The following FSTL4 variants were observed in gnomAD, a reference collection of about 807,000 sequenced individuals.
The protein encoded by FSTL4 is follistatin like 4.
In FSTL4, 28 loss-of-function variants were observed where a neutral mutation model predicts 78.2. The observed-to-expected ratio is 0.36, with a 90% CI of 0.27 to 0.49. The LOEUF (loss-of-function observed/expected upper bound fraction) is 0.49. FSTL4 is among the 20% of genes least tolerant of loss of function. FSTL4 has a pLI of 0.98. For missense variants in FSTL4, 922 were observed against 1,084.9 expected (o/e 0.85, Z 2.11); for synonymous variants, 422 against 440.5 (o/e 0.96, Z 0.53).
chr5:133,198,922 T>C lies in FSTL4; in HGVS notation c.*173A>G, dbSNP rs62374514. ...ATACTTCCTAACGAAAAAACCCCAA[T>C]CTTGGTAGCAGCGCATACCTTATAC... On this transcript the variant is annotated 3_prime_UTR_variant, in exon 16 of 16. Coordinates refer to ENST00000265342, the MANE Select transcript of FSTL4 (RefSeq NM_015082.2). The C allele has an allele frequency of 0.13, 60,665 of 477,446 alleles. 4,768 individuals are homozygous for C. Among genetic ancestry groups the C allele is most frequent in the Middle Eastern group, 0.21 (389 of 1,840 alleles). The allele number at this position is 477,446 out of a possible 1,614,324, so 29.6% of individuals were successfully genotyped here. A position where few individuals can be genotyped will look rare whatever the true frequency, so the allele number is the denominator to read the frequency against.
At chr5:133,683,995 A>G in the FSTL4 span, among the ~76,000 whole-genome samples, 1 of 152,160 alleles carries the variant, frequency 6.6e-6, no homozygotes, top group Non-Finnish European at 1.5e-5. Context: ...TCTTGATTTC[A>G]TGCTAGATGG....
chr5:133,515,873 T>G (rs1341335794), intron 3 of FSTL4, among the ~76,000 whole-genome samples: 1 of 152,082 alleles, frequency 6.6e-6, no homozygotes, highest in African/African-American at 2.4e-5. Flanking sequence ...TATTCAACAA[T>G]TCCGTATATT....
At chr5:133,481,914 C>A (rs947394159) in intron 3 of FSTL4, among the ~76,000 whole-genome samples, 1 of 152,176 alleles carries the variant, frequency 6.6e-6, no homozygotes, top group African/African-American at 2.4e-5. Context: ...CCAACAAAAA[C>A]CATGAGAATA....
At chr5:133,669,994 C>A in the FSTL4 span, among the ~76,000 whole-genome samples, 1 of 152,170 alleles carries the variant, frequency 6.6e-6, no homozygotes, top group Non-Finnish European at 1.5e-5. Context: ...CTGTCTCAGG[C>A]CTCCCTCACC....
At chr5:133,364,466 C>T (rs1450342412) in intron 4 of FSTL4, among the ~76,000 whole-genome samples, 1 of 152,222 alleles carries the variant, frequency 6.6e-6, no homozygotes, top group Admixed American at 6.5e-5. Flanking sequence ...CCTCTTACAC[C>T]TGCTGAGCCC....
chr5:133,423,190 C>A (rs753459560), intron 3 of FSTL4, among the ~76,000 whole-genome samples: 9 of 152,258 alleles, frequency 5.9e-5, no homozygotes, highest in Admixed American at 4.6e-4. Context: ...AATGAATGGG[C>A]GGCTTGTTTC....
rs557066641 is a variant in FSTL4, at chr5:133,398,866, A to G, written c.409+1872T>C. Among the ~76,000 whole-genome samples the G allele has an allele frequency of 1.9e-4, 29 of 152,326 alleles. No individual in the cohort carries two copies. In the South Asian group the frequency reaches 6.0e-3, roughly 32 times the overall value. Reference sequence around the variant, plus strand: ...AAAAAGGGGTCCTTAAGAGAGGAGCACTGCTATACCAAGTGGGCGGCAACT... The same window carrying G: ...AAAAAGGGGTCCTTAAGAGAGGAGCGCTGCTATACCAAGTGGGCGGCAACT... On this transcript the variant is annotated intron_variant, in intron 4 of 15. Coordinates refer to ENST00000265342, the MANE Select transcript of FSTL4 (RefSeq NM_015082.2).
chr5:133,640,339 T>C, the FSTL4 span, among the ~76,000 whole-genome samples: 1 of 152,320 alleles, frequency 6.6e-6, no homozygotes, highest in East Asian at 1.9e-4. Context: ...CACAGCCACA[T>C]AAATCACCAT....
chr5:133,601,818 G>T (rs1039613257), intron 2 of FSTL4, among the ~76,000 whole-genome samples: 1 of 151,770 alleles, frequency 6.6e-6, no homozygotes, highest in Non-Finnish European at 1.5e-5. Flanking sequence ...CGAGTAGCTG[G>T]GACTACAGGA....
rs1419847942 is a variant in FSTL4, at chr5:133,238,954, C to A, written c.895-5417G>T. Among the ~76,000 whole-genome samples, 4 of 152,196 alleles carry A rather than the reference C, an allele frequency of 2.6e-5. No homozygotes were observed. The East Asian group carries it at 7.7e-4, about 29-fold the overall frequency. On this transcript the variant is annotated intron_variant, in intron 7 of 15. Coordinates refer to ENST00000265342, the MANE Select transcript of FSTL4 (RefSeq NM_015082.2). ...GAGCCCCTTTCTGGGCTGGCCAAGG[C>A]GGGAACTGGCTCCCTCAGCTTGCCG...
the FSTL4 span, among the ~76,000 whole-genome samples, chr5:133,765,545 G>GT: frequency 1.3e-5 from 2 of 152,226 alleles, no homozygotes; most frequent in Non-Finnish European, 2.9e-5. Flanking sequence ...ATCAGGGCCT[G>GT]TGCCCCTGCA....
chr5:133,360,543 A>G (rs1266848169), intron 4 of FSTL4, among the ~76,000 whole-genome samples: 2 of 150,760 alleles, frequency 1.3e-5, no homozygotes, highest in Admixed American at 1.3e-4. Flanking sequence ...AAATTTACCA[A>G]GTTTGATAGG....
intron 2 of FSTL4, among the ~76,000 whole-genome samples, chr5:133,595,463 G>A (rs957745290): frequency 6.6e-6 from 1 of 152,212 alleles, no homozygotes; most frequent in Non-Finnish European, 1.5e-5. Flanking sequence ...ATCCTGCTGT[G>A]TGCCAGGCTT....
intron 3 of FSTL4, among the ~76,000 whole-genome samples, chr5:133,558,674 G>A (rs1371826731): frequency 2.0e-5 from 3 of 152,060 alleles, no homozygotes; most frequent in Admixed American, 6.5e-5. Flanking sequence ...GCATTTCTTG[G>A]AACCCAATGG....
rs149739890 is a variant in FSTL4 at position 133,416,006 on chromosome 5, T to C, written c.161-15020A>G. ...GAATCTGCAAGCAGCAAAACCCCAATAGCAAGGAGCACGTTTAACGCTCAC... is the reference window on the plus strand; with the variant it reads ...GAATCTGCAAGCAGCAAAACCCCAACAGCAAGGAGCACGTTTAACGCTCAC... On this transcript the variant is annotated intron_variant, in intron 3 of 15. Coordinates refer to ENST00000265342, the MANE Select transcript of FSTL4 (RefSeq NM_015082.2). Among the ~76,000 whole-genome samples the C allele has an allele frequency of 5.5e-3, 837 of 152,294 alleles. 2 individuals carry two copies. The highest frequency in any genetic ancestry group is 8.8e-3 in the Non-Finnish European group (600 of 68,026).
At chr5:133,475,096 G>T (rs752284919) in intron 3 of FSTL4, among the ~76,000 whole-genome samples, 1 of 152,180 alleles carries the variant, frequency 6.6e-6, no homozygotes, top group Non-Finnish European at 1.5e-5. Flanking sequence ...GACATGGCCC[G>T]GGCAGGCATT....
chr5:133,649,271 A>G, the FSTL4 span, among the ~76,000 whole-genome samples: 1 of 152,336 alleles, frequency 6.6e-6, no homozygotes, highest in Non-Finnish European at 1.5e-5. Context: ...CTACTGAAGG[A>G]CATCTTGGTT....
the FSTL4 span, among the ~76,000 whole-genome samples, chr5:133,642,899 G>A: frequency 2.0e-5 from 3 of 152,162 alleles, no homozygotes; most frequent in African/African-American, 4.8e-5. Context: ...GCTACTCGTC[G>A]AACTTGAGCT....
the FSTL4 span, among the ~76,000 whole-genome samples, chr5:133,835,617 A>C: frequency 1.3e-5 from 2 of 152,214 alleles, no homozygotes; most frequent in Admixed American, 6.5e-5. Context: ...CTCCATGAGC[A>C]CATAAGACCA....
Sources: gnomAD v4.1 joint callset for allele counts (sites outside exome capture counted in the v4.1 genomes callset) on GRCh38, gnomAD v4.1.1 for gene constraint, MANE v1.5 for transcripts, NCBI Gene and HGNC (gene_info 2026-07-23, HGNC 2026-07-21) for gene names.